ABCA13: variants seen among roughly 807,000 people sequenced by gnomAD.
The protein encoded by ABCA13 is ATP-binding cassette sub-family A member 13.
ABCA13 carries 476 observed loss-of-function variants against 478.7 expected under a neutral mutation model. The observed-to-expected ratio is 0.99, with a 90% CI of 0.92 to 1.07. ABCA13 has a LOEUF of 1.07. ABCA13 is among the 50% of genes least tolerant of loss of function. The pLI, the probability that ABCA13 is intolerant of heterozygous loss-of-function variation, is 0.00. For synonymous variants in ABCA13, 2,252 were observed against 2,158.9 expected (o/e 1.04, Z -1.20); for missense variants, 6,060 against 5,910.6 (o/e 1.03, Z -0.83).
chr7:48,525,706 A>G lies in ABCA13; in HGVS notation c.14244+1266A>G, dbSNP rs574674424. Among the ~76,000 whole-genome samples, 169 of 76,678 alleles carry G rather than the reference A, an allele frequency of 2.2e-3. 2 individuals carry two copies. The highest frequency in any genetic ancestry group is 6.2e-3 in the African/African-American group (160 of 25,642). The allele number at this position is 76,678 out of a possible 152,430, so 50.3% of individuals were successfully genotyped here. ...TTTTTTTTTTTTTGAGTTATTATCT[A>G]CATGTTTATGATGTTTTATTTTTAT... is the stretch of plus-strand genomic sequence containing the variant. On this transcript the variant is annotated intron_variant, in intron 54 of 61. Coordinates refer to ENST00000435803, the MANE Select transcript of ABCA13 (RefSeq NM_152701.5).
intron 5 of ABCA13, among the ~76,000 whole-genome samples, chr7:48,222,903 G>A (rs560627972): frequency 3.9e-5 from 6 of 152,210 alleles, no homozygotes; most frequent in African/African-American, 1.4e-4. Context: ...TAGCCAGAGC[G>A]GAAGTGGGAG....
At chr7:48,597,238 C>A (rs1790393759) in intron 58 of ABCA13, among the ~76,000 whole-genome samples, 1 of 152,202 alleles carries the variant, frequency 6.6e-6, no homozygotes, top group Admixed American at 6.5e-5. Flanking sequence ...GCGTGAGCCA[C>A]CATGCCCGGC....
At chr7:48,519,119 T>C (rs1267665816) in intron 52 of ABCA13, among the ~76,000 whole-genome samples, 1 of 152,176 alleles carries the variant, frequency 6.6e-6, no homozygotes, top group Non-Finnish European at 1.5e-5. Context: ...TCTTGCTCCA[T>C]CCATGTCCCT....
chr7:48,486,192 A>C (rs1483951690), intron 47 of ABCA13, among the ~76,000 whole-genome samples: 1 of 152,160 alleles, frequency 6.6e-6, no homozygotes, highest in Non-Finnish European at 1.5e-5. Flanking sequence ...CTAGAGGACA[A>C]CACCCTTTAG....
intron 1 of ABCA13, among the ~76,000 whole-genome samples, chr7:48,180,025 G>T (rs1239886915): frequency 6.6e-6 from 1 of 152,148 alleles, no homozygotes; most frequent in South Asian, 2.1e-4. Context: ...GCTGAGACTC[G>T]ATTTTATCTG....
At position 48,636,437 on chromosome 7, in the gene ABCA13, T is replaced by A. The variant is rs1221376030; in HGVS notation, c.14838-6851T>A. ...TTCACTTTCATAACTCAGCTGTCACTTGGGTCTTTCCTGCCCATGGGAGAT... is the reference window on the plus strand; with the variant it reads ...TTCACTTTCATAACTCAGCTGTCACATGGGTCTTTCCTGCCCATGGGAGAT... On this transcript the variant is annotated intron_variant, in intron 59 of 61. Coordinates refer to ENST00000435803, the MANE Select transcript of ABCA13 (RefSeq NM_152701.5). Among the ~76,000 whole-genome samples the A allele has an allele frequency of 4.6e-5, 7 of 152,170 alleles. No homozygotes were observed. In the East Asian group the frequency reaches 1.4e-3, roughly 29 times the overall value.
At chr7:48,516,432 A>G (rs7793430) in intron 51 of ABCA13, among the ~76,000 whole-genome samples, 5,138 of 152,184 alleles carry the variant, frequency 0.034, 93 homozygotes, top group East Asian at 0.081. Flanking sequence ...GCTTGTGTTC[A>G]AGGGACCTTT....
intron 16 of ABCA13, among the ~76,000 whole-genome samples, chr7:48,270,969 A>G (rs1584535929): frequency 2.0e-5 from 3 of 152,206 alleles, no homozygotes; most frequent in African/African-American, 7.2e-5. Flanking sequence ...CAAGTGTATT[A>G]TCCTGCGTCG....
intron 8 of ABCA13, among the ~76,000 whole-genome samples, chr7:48,236,530 A>G (rs1474427650): frequency 6.6e-6 from 1 of 152,204 alleles, no homozygotes; most frequent in East Asian, 1.9e-4. Flanking sequence ...TCCAGCTTCC[A>G]GTGGCCATCC....
intron 27 of ABCA13, among the ~76,000 whole-genome samples, chr7:48,331,056 G>A (rs898885641): frequency 5.9e-5 from 9 of 152,140 alleles, no homozygotes; most frequent in Non-Finnish European, 8.8e-5. Flanking sequence ...TCTGAATAAG[G>A]AGGGAAGAGG....
intron 34 of ABCA13, among the ~76,000 whole-genome samples, chr7:48,375,750 G>C (rs961641085): frequency 6.6e-6 from 1 of 152,072 alleles, no homozygotes; most frequent in African/African-American, 2.4e-5. Flanking sequence ...GTATTAAAAT[G>C]TTCTTTTACA....
rs1009246470 is a variant in ABCA13, at chr7:48,469,558, C to G, written c.12906-1972C>G. ...CAGTCACCTCAATGGCAGGGTAGTTCTTGTAGAGAGCTTTTGTTCTCTTAA... is the reference window on the plus strand; with the variant it reads ...CAGTCACCTCAATGGCAGGGTAGTTGTTGTAGAGAGCTTTTGTTCTCTTAA... On this transcript the variant is annotated intron_variant, in intron 44 of 61. Transcript: ENST00000435803. Among the ~76,000 whole-genome samples the G allele has an allele frequency of 4.6e-5, 7 of 152,264 alleles. No homozygotes were observed. The East Asian group carries it at 7.7e-4, about 17-fold the overall frequency.
Position 48,403,811 on chromosome 7 carries a change from A to T in ABCA13, c.12002A>T (p.Glu4001Val). Residue 4001 changes from glutamate (E) to valine (V), a missense_variant, in exon 39 of 62, where the codon GAG becomes GTG. Around this residue, in one of 3 missense-constraint regions of ABCA13, gnomAD observed 1,627 missense variants for 1,571.0 expected, o/e 1.04. Transcript: ENST00000435803. Reference protein sequence around the residue: ...MGMSRTVVLDEPTSGVDPCSR... With the variant: ...MGMSRTVVLDVPTSGVDPCSR... ...ATGTCGAGGACCGTGGTTCTGGATG[A>T]GCCCACCAGTGGGGTGGACCCTTGC... The T allele has an allele frequency of 2.5e-6, 4 of 1,613,866 alleles. No homozygotes were observed. The highest frequency in any genetic ancestry group is 3.4e-6 in the Non-Finnish European group (4 of 1,179,842).
At chr7:48,498,632 A>G (rs1830476324) in intron 48 of ABCA13, among the ~76,000 whole-genome samples, 1 of 152,190 alleles carries the variant, frequency 6.6e-6, no homozygotes, top group African/African-American at 2.4e-5. Context: ...CCTATGGAAT[A>G]TGGAAAGAAA....
intron 43 of ABCA13, among the ~76,000 whole-genome samples, chr7:48,464,312 A>G (rs1826628559): frequency 6.6e-6 from 1 of 152,234 alleles, no homozygotes; most frequent in South Asian, 2.1e-4. Context: ...GGCTGTTTAT[A>G]CAGAGGTCAC....
intron 55 of ABCA13, among the ~76,000 whole-genome samples, chr7:48,557,059 GGCAAAAGGAAACT>G (rs1785907504): frequency 6.6e-6 from 1 of 151,936 alleles, no homozygotes; most frequent in Non-Finnish European, 1.5e-5. Context: ...TAAACAAACA[GGCAAAAGGAAACT>G]ACTAAAAACT....
intron 32 of ABCA13, among the ~76,000 whole-genome samples, chr7:48,371,864 G>A (rs1585049670): frequency 6.6e-6 from 1 of 152,144 alleles, no homozygotes; most frequent in Admixed American, 6.5e-5. Context: ...CTTGTCCTGT[G>A]CCAGTTTTTA....
intron 59 of ABCA13, among the ~76,000 whole-genome samples, chr7:48,619,536 T>C (rs1186555458): frequency 1.3e-5 from 2 of 152,208 alleles, no homozygotes; most frequent in South Asian, 2.1e-4. Flanking sequence ...AGCAAGGGCA[T>C]GCAGAGGTAG....
intron 32 of ABCA13, among the ~76,000 whole-genome samples, chr7:48,371,480 T>G (rs751009366): frequency 1.4e-4 from 21 of 152,182 alleles, no homozygotes; most frequent in Non-Finnish European, 2.6e-4. Flanking sequence ...GTAGTTCTCC[T>G]TGTAGAGGTC....
Sources: gnomAD v4.1 joint callset for allele counts (sites outside exome capture counted in the v4.1 genomes callset) on GRCh38, gnomAD v4.1.1 for gene constraint, gnomAD v4.1.1 regional missense constraint, MANE v1.5 for transcripts, NCBI Gene and HGNC (gene_info 2026-07-23, HGNC 2026-07-21) for gene names.